FLG: variants seen among roughly 807,000 people sequenced by gnomAD.
The protein encoded by FLG is filaggrin, also known as epidermal filaggrin.
In FLG, 6 loss-of-function variants were observed where a neutral mutation model predicts 3.8. The observed-to-expected ratio is 1.60, with a 90% CI of 0.87 to 3.15. The LOEUF is 3.15. FLG is among the 30% of genes most tolerant of loss of function. FLG has a pLI of 0.00. For synonymous variants in FLG, 2,551 were observed against 1,931.6 expected (o/e 1.32, Z -8.41); for missense variants, 7,595 against 5,050.9 (o/e 1.50, Z -15.27).
rs188183903 is a variant in FLG at position 152,305,167 on chromosome 1, C to A, written c.9719G>T (p.Arg3240Leu). 1 of 1,613,632 alleles carries A rather than the reference C, an allele frequency of 6.2e-7. No homozygotes were observed. Among genetic ancestry groups the A allele is most frequent in the Admixed American group, 1.7e-5 (1 of 59,984 alleles). The change falls in exon 3 of 3, where the codon CGT becomes CTT. Residue 3240 changes from arginine (R) to leucine (L), a missense_variant. Transcript: ENST00000368799. Reference sequence around the variant, plus strand: ...CCTTGACTGCTCCTGAACAGATCCACGATGGTTTCTGGAAGCAGACCCAGA... The same window carrying A: ...CCTTGACTGCTCCTGAACAGATCCAAGATGGTTTCTGGAAGCAGACCCAGA... ...RWSGSASRNHRGSVQEQSRHG... is the reference protein window; with the variant it reads ...RWSGSASRNHLGSVQEQSRHG...
At chr1:152,320,769 C>G (rs1399554265) in intron 1 of FLG, among the ~76,000 whole-genome samples, 2 of 150,904 alleles carry the variant, frequency 1.3e-5, no homozygotes, top group Non-Finnish European at 3.0e-5. Context: ...TTGAAATTGA[C>G]CATATACTGG....
chr1:152,304,614 G>C lies in FLG; in HGVS notation c.10272C>G (p.His3424Gln), dbSNP rs758031430. 5.0e-6 allele frequency: 8 copies of C among 1,610,898 alleles called. No individual in the cohort carries two copies. In the African/African-American group the frequency reaches 9.4e-5, roughly 19 times the overall value. The change falls in exon 3 of 3, where the codon CAC (histidine) becomes CAG (glutamine). Residue 3424 changes from histidine to glutamine, a missense_variant. Coordinates refer to ENST00000368799, the MANE Select transcript of FLG (RefSeq NM_002016.2). The stretch of plus-strand genomic sequence containing the variant: ...TGTCCTGACCCTCTTGGGACGCTGA[G>C]TGCCTGGAGCTGTCTCGTGCCTGCT... Reference protein sequence around the residue: ...HHEQARDSSRHSASQEGQDTI... With the variant: ...HHEQARDSSRQSASQEGQDTI...
chr1:152,310,988 C>G lies in FLG; in HGVS notation c.3898G>C (p.Glu1300Gln). 1 of 1,613,860 alleles carries G rather than the reference C, an allele frequency of 6.2e-7. No individual in the cohort carries two copies. Among genetic ancestry groups the G allele is most frequent in the South Asian group, 1.1e-5 (1 of 91,040 alleles). ...TGTCTGGAGCCATCTCTTGACTGCTCCCGAGAAGATCCATGATGGTTTCTG... is the reference window on the plus strand; with the variant it reads ...TGTCTGGAGCCATCTCTTGACTGCTGCCGAGAAGATCCATGATGGTTTCTG... ...ASRNHHGSSR[E>Q]QSRDGSRHPG... The change falls in exon 3 of 3, where the codon GAG becomes CAG. Residue 1300 changes from glutamate to glutamine, a missense_variant. Transcript: ENST00000368799.
chr1:152,314,592 T>C lies in FLG; in HGVS notation c.294A>G (p.Gly98=). 1 of 1,614,006 alleles carries C rather than the reference T, an allele frequency of 6.2e-7. No homozygotes were observed. The highest frequency in any genetic ancestry group is 1.3e-5 in the African/African-American group (1 of 75,046). The change falls in exon 3 of 3, where the codon GGA becomes GGG. Residue 98 remains glycine (G), a synonymous_variant. Transcript: ENST00000368799. ...GATGACTGTGCTTTCTGTGCTTGTG[T>C]CCTGATATCGGTAAATTCTCTTTTC... The part of the protein sequence containing the change: ...STRKENLPIS[G]HKHRKHSHHD...
In FLG at chr1:152,308,812, C is replaced by T. The variant is rs376562066; in HGVS notation, c.6074G>A (p.Gly2025Glu). 279 of 1,614,060 alleles carry T rather than the reference C, an allele frequency of 1.7e-4. No individual in the cohort carries two copies. The highest frequency in any genetic ancestry group is 2.1e-4 in the Non-Finnish European group (253 of 1,180,032). ...DSSRHSGIGHGQASSAVRDSG... is the reference protein window; with the variant it reads ...DSSRHSGIGHEQASSAVRDSG... ...GTCTCTGACTGCAGATGAAGCTTGT[C>T]CATGCCCAATGCCTGAGTGTCTGGA... The change falls in exon 3 of 3, where the codon GGA becomes GAA. Residue 2025 changes from glycine to glutamate, a missense_variant. Gly to Glu is a moderately conservative substitution (Grantham distance 98). Transcript: ENST00000368799.
Position 152,312,635 on chromosome 1 carries a change from C to T in FLG, c.2251G>A (p.Glu751Lys), listed in dbSNP as rs765813358. Residue 751 changes from glutamate (E) to lysine (K), a missense_variant, in exon 3 of 3, where the codon GAG (glutamate) becomes AAG (lysine). Physicochemically the swap from Glu to Lys is moderately conservative, Grantham distance 56 (BLOSUM62 1). Transcript: ENST00000368799. ...GTGTCTGAGTCTTCTGAATGTCCCTCACTGTCAGTGGCCTGACTACCACTG... is the reference window on the plus strand; with the variant it reads ...GTGTCTGAGTCTTCTGAATGTCCCTTACTGTCAGTGGCCTGACTACCACTG... ...GSSGSQATDS[E>K]GHSEDSDTQS... The T allele has an allele frequency of 1.2e-6, 2 of 1,613,902 alleles. No individual in the cohort carries two copies. Among genetic ancestry groups the T allele is most frequent in the East Asian group, 2.2e-5 (1 of 44,832 alleles).
chr1:152,307,319 A>T lies in FLG; in HGVS notation c.7567T>A (p.Ser2523Thr). 2.5e-6 allele frequency: 4 copies of T among 1,612,560 alleles called. No individual in the cohort carries two copies. Among genetic ancestry groups the T allele is most frequent in the Non-Finnish European group, 3.4e-6 (4 of 1,179,778 alleles). ...ASRQTRNDEQ[S>T]GDGSRHSGSR... ...CCTGAGTGCCTGGAGCCGTCTCCTG[A>T]TTGTTCATCGTTACGAGTTTGTCTG... Residue 2523 changes from serine to threonine, a missense_variant, in exon 3 of 3, where the codon TCA (serine) becomes ACA (threonine). Transcript: ENST00000368799.
At position 152,303,454 on chromosome 1, in the gene FLG, C is replaced by T. The variant is rs1431786311; in HGVS notation, c.11432G>A (p.Arg3811Lys). ...TGACTGTTCCTCATTACGTGTTTCTCTGCTTGCACTTCTGGATCCTGACTG... is the reference window on the plus strand; with the variant it reads ...TGACTGTTCCTCATTACGTGTTTCTTTGCTTGCACTTCTGGATCCTGACTG... The part of the protein sequence containing the change: ...HGQSGSRSAS[R>K]ETRNEEQSGD... The change falls in exon 3 of 3, where the codon AGA (arginine) becomes AAA (lysine). Residue 3811 changes from arginine (R) to lysine (K), a missense_variant. Coordinates refer to ENST00000368799, the MANE Select transcript of FLG (RefSeq NM_002016.2). 1 of 1,613,982 alleles carries T rather than the reference C, an allele frequency of 6.2e-7. No homozygotes were observed. Among genetic ancestry groups the T allele is most frequent in the Admixed American group, 1.7e-5 (1 of 59,998 alleles).
At position 152,313,248 on chromosome 1, in the gene FLG, G is replaced by T; in HGVS notation, c.1638C>A (p.His546Gln). 6.2e-7 allele frequency: 1 copy of T among 1,613,964 alleles called. No homozygotes were observed. Among genetic ancestry groups the T allele is most frequent in the Non-Finnish European group, 8.5e-7 (1 of 1,180,024 alleles). The change falls in exon 3 of 3, where the codon CAC becomes CAA. Residue 546 changes from histidine (H) to glutamine (Q), a missense_variant. Transcript: ENST00000368799. ...ACCTTCCCTGGGATGTGGTGTGGCT[G>T]TGATGGGAACCTGAGTGTCCAGACC... ...VNRSGHSGSH[H>Q]SHTTSQGRSD... is the part of the protein sequence containing the mutation.
At chr1:152,322,244 A>G (rs943194933) in intron 1 of FLG, among the ~76,000 whole-genome samples, 12 of 151,126 alleles carry the variant, frequency 7.9e-5, no homozygotes, top group Non-Finnish European at 1.5e-5. Context: ...CATCCTATTT[A>G]ACATTGTACT....
In FLG at chr1:152,312,975, C is replaced by A. The variant is rs1462229970; in HGVS notation, c.1911G>T (p.Trp637Cys). ...GATGGTTTCTGGAAGCAGACCCAGA[C>A]CACCTCTCAGAGTCTTCTGAGTGTC... ...SQGHSEDSER[W>C]SGSASRNHHG... The change falls in exon 3 of 3, where the codon TGG (tryptophan) becomes TGT (cysteine). Residue 637 changes from tryptophan to cysteine, a missense_variant. Trp to Cys is a radical substitution (Grantham distance 215, BLOSUM62 -2). Transcript: ENST00000368799. The A allele has an allele frequency of 4.3e-6, 7 of 1,613,848 alleles. No homozygotes were observed. The Admixed American group carries it at 1.2e-4, about 27-fold the overall frequency.
chr1:152,304,912 G>T lies in FLG; in HGVS notation c.9974C>A (p.Ser3325Tyr), dbSNP rs1247954683. Residue 3325 changes from serine (S) to tyrosine (Y), a missense_variant, in exon 3 of 3, where the codon TCT (serine) becomes TAT (tyrosine). Transcript: ENST00000368799. ...CCAGTGTCTACTGTCTCTGACTGCAGATGAAGCTTGTCCACGCGGAATGCC... is the reference window on the plus strand; with the variant it reads ...CCAGTGTCTACTGTCTCTGACTGCATATGAAGCTTGTCCACGCGGAATGCC... ...HSGIPRGQAS[S>Y]AVRDSRHWGS... The T allele has an allele frequency of 1.2e-6, 2 of 1,613,672 alleles. No individual in the cohort carries two copies. The highest frequency in any genetic ancestry group is 2.7e-5 in the African/African-American group (2 of 74,840).
At position 152,305,612 on chromosome 1, in the gene FLG, C is replaced by G; in HGVS notation, c.9274G>C (p.Glu3092Gln). 6.7e-7 allele frequency: 1 copy of G among 1,497,122 alleles called. No homozygotes were observed. The highest frequency in any genetic ancestry group is 8.9e-7 in the Non-Finnish European group (1 of 1,127,722). The allele number at this position is 1,497,122 out of a possible 1,614,324, so 92.7% of individuals were successfully genotyped here. A position where few individuals can be genotyped will look rare whatever the true frequency, so the allele number is the denominator to read the frequency against. ...STRGRQGSRH[E>Q]QAQDSSRHSA... ...TGCCTGGAGCTGTCTTGTGCCTGCT[C>G]ATGGCGGGATCCTTGTCTTCCTCTA... The change falls in exon 3 of 3, where the codon GAG becomes CAG. Residue 3092 changes from glutamate to glutamine, a missense_variant. Physicochemically the swap from Glu to Gln is conservative, Grantham distance 29. Transcript: ENST00000368799.
rs1651688457 is a variant in FLG, at chr1:152,302,784, C to T, written c.12102G>A (p.Lys4034=). 6.2e-7 allele frequency: 1 copy of T among 1,614,146 alleles called. No homozygotes were observed. The highest frequency in any genetic ancestry group is 8.5e-7 in the Non-Finnish European group (1 of 1,180,018). ...TAGAATGGCCACATAAACCTGGGTC[C>T]TTATTAATATACGTTGCATAATACC... ...HPRYYATYIN[K]DPGLCGHSSD... is the part of the protein sequence containing the mutation. The change falls in exon 3 of 3, where the codon AAG becomes AAA. Residue 4034 remains lysine, a synonymous_variant. Coordinates refer to ENST00000368799, the MANE Select transcript of FLG (RefSeq NM_002016.2).
rs182787187 is a variant in FLG at position 152,307,192 on chromosome 1, G to C, written c.7694C>G (p.Ser2565Cys). 1.7e-4 allele frequency: 281 copies of C among 1,612,740 alleles called. 3 individuals carry two copies. The East Asian group carries it at 5.8e-3, about 33-fold the overall frequency. The change falls in exon 3 of 3, where the codon TCC becomes TGC. Residue 2565 changes from serine (S) to cysteine (C), a missense_variant. Coordinates refer to ENST00000368799, the MANE Select transcript of FLG (RefSeq NM_002016.2). ...EGPRTSRNWG[S>C]SFSQDSDSQG... is the part of the protein sequence containing the mutation. ...ACTGTCACTGTCCTGGCTAAAACTG[G>C]ATCCCCAGTTCCTGCTTGTCCTGGG...
Position 152,314,227 on chromosome 1 carries a change from G to T in FLG, c.659C>A (p.Thr220Lys). 1 of 1,613,642 alleles carries T rather than the reference G, an allele frequency of 6.2e-7. No homozygotes were observed. The change falls in exon 3 of 3, where the codon ACA (threonine) becomes AAA (lysine). Residue 220 changes from threonine (T) to lysine (K), a missense_variant. Transcript: ENST00000368799. The stretch of plus-strand genomic sequence containing the variant: ...TATCCATTTTTGAGTCATTCTTCCT[G>T]TATTTTCATAATCATATACTCCTTC... ...NEEGVYDYENTGRMTQKWIQS... is the reference protein window; with the variant it reads ...NEEGVYDYENKGRMTQKWIQS...
In FLG at chr1:152,307,197, C is replaced by T. The variant is rs767179116; in HGVS notation, c.7689G>A (p.Trp2563Ter). ...CACTGTCCTGGCTAAAACTGGATCC[C>T]CAGTTCCTGCTTGTCCTGGGCCCCT... ...QSEGPRTSRN[W>*]GSSFSQDSDS... Residue 2563 changes from tryptophan to a stop codon, truncating the protein, a stop_gained, in exon 3 of 3, where the codon TGG becomes TGA. Coordinates refer to ENST00000368799, the MANE Select transcript of FLG (RefSeq NM_002016.2). LOFTEE classifies it low-confidence loss of function (END_TRUNC). The T allele has an allele frequency of 3.0e-5, 48 of 1,612,710 alleles. No individual in the cohort carries two copies. The highest frequency in any genetic ancestry group is 3.6e-5 in the Non-Finnish European group (42 of 1,179,966).
At position 152,311,547 on chromosome 1, in the gene FLG, A is replaced by G; in HGVS notation, c.3339T>C (p.Arg1113=). Residue 1113 remains arginine (R), a synonymous_variant, in exon 3 of 3, where the codon CGT becomes CGC. Coordinates refer to ENST00000368799, the MANE Select transcript of FLG (RefSeq NM_002016.2). ...TCACCTGGTAGATGAAAGACCCTGA[A>G]CGTCCAGACCTTCCCCCTGACCAGT... The part of the protein sequence containing the change: ...ARDWSGGRSG[R]SGSFIYQVST... 1 of 1,613,118 alleles carries G rather than the reference A, an allele frequency of 6.2e-7. No homozygotes were observed. Among genetic ancestry groups the G allele is most frequent in the Non-Finnish European group, 8.5e-7 (1 of 1,179,824 alleles).
rs368302261 is a variant in FLG at position 152,310,547 on chromosome 1, A to G, written c.4339T>C (p.Ser1447Pro). The G allele has an allele frequency of 1.2e-6, 2 of 1,613,454 alleles. No homozygotes were observed. Among genetic ancestry groups the G allele is most frequent in the Non-Finnish European group, 1.7e-6 (2 of 1,179,818 alleles). ...TGTGTGGACTCAGACTGTTCATGAG[A>G]GCTCACCTGGTAGAGGAAAGACCTT... Reference protein sequence around the residue: ...RSRSFLYQVSSHEQSESTHGQ... With the variant: ...RSRSFLYQVSPHEQSESTHGQ... The change falls in exon 3 of 3, where the codon TCT becomes CCT. Residue 1447 changes from serine (S) to proline (P), a missense_variant. Physicochemically the swap from Ser to Pro is moderately conservative, Grantham distance 74. Transcript: ENST00000368799.
Sources: allele counts gnomAD v4.1 joint callset (sites outside exome capture counted in the v4.1 genomes callset), GRCh38; gene constraint gnomAD v4.1.1; transcripts MANE v1.5; gene names NCBI Gene and HGNC (gene_info 2026-07-23, HGNC 2026-07-21).